DMRT1: variants seen among roughly 807,000 people sequenced by gnomAD.
The protein encoded by DMRT1 is doublesex and mab-3 related transcription factor 1, also known as doublesex- and mab-3-related transcription factor 1.
Under a neutral mutation model 32.3 loss-of-function variants are expected in DMRT1, and 7 were observed. The observed-to-expected ratio is 0.22, with a 90% confidence interval of 0.12 to 0.41. DMRT1 has a LOEUF of 0.41. Among genes scored for constraint, DMRT1 ranks in the 10% least tolerant of loss-of-function variants. DMRT1 has a pLI of 1.00. For missense variants in DMRT1, 625 were observed against 500.5 expected (o/e 1.25, Z -2.37); for synonymous variants, 278 against 206.1 (o/e 1.35, Z -2.99).
intron 2 of DMRT1, among the ~76,000 whole-genome samples, chr9:891,975 CTTGCTGGATCTCA>C (rs1817169371): frequency 6.6e-6 from 1 of 152,196 alleles, no homozygotes; most frequent in East Asian, 1.9e-4. Context: ...TGGGTGCCTT[CTTGCTGGATCTCA>C]CGTCCTGGTA....
intron 4 of DMRT1, among the ~76,000 whole-genome samples, chr9:929,861 G>A (rs1818652103): frequency 6.6e-6 from 1 of 152,080 alleles, no homozygotes; most frequent in East Asian, 1.9e-4. Context: ...TAGTGTCTGG[G>A]CCTAGCATAA....
At chr9:949,686 C>G (rs1437038634) in intron 4 of DMRT1, among the ~76,000 whole-genome samples, 1 of 152,192 alleles carries the variant, frequency 6.6e-6, no homozygotes, top group Non-Finnish European at 1.5e-5. Context: ...TCTTGTGTAA[C>G]TGAAACTTTG....
At chr9:901,749 T>C (rs1348998305) in intron 3 of DMRT1, among the ~76,000 whole-genome samples, 1 of 151,910 alleles carries the variant, frequency 6.6e-6, no homozygotes, top group Non-Finnish European at 1.5e-5. Context: ...TGGGAAGTTC[T>C]GGATGGAGAA....
chr9:929,598 T>C (rs1818641940), intron 4 of DMRT1, among the ~76,000 whole-genome samples: 1 of 152,044 alleles, frequency 6.6e-6, no homozygotes, highest in Non-Finnish European at 1.5e-5. Flanking sequence ...ATTCTTTCTT[T>C]CTTTCTATTA....
At chr9:854,956 AC>A (rs1815331497) in intron 2 of DMRT1, among the ~76,000 whole-genome samples, 2 of 150,110 alleles carry the variant, frequency 1.3e-5, no homozygotes, top group Non-Finnish European at 2.9e-5. Flanking sequence ...TTTAGTAGAG[AC>A]GGGGTTTCAC....
chr9:947,647 A>C (rs1451632224), intron 4 of DMRT1, among the ~76,000 whole-genome samples: 1 of 152,116 alleles, frequency 6.6e-6, no homozygotes, highest in Non-Finnish European at 1.5e-5. Flanking sequence ...TTTTTGAGAC[A>C]GAGTCTGACT....
chr9:917,908 A>C (rs1818234552), intron 4 of DMRT1, among the ~76,000 whole-genome samples: 1 of 152,232 alleles, frequency 6.6e-6, no homozygotes, highest in South Asian at 2.1e-4. Flanking sequence ...GCCGAAGTAC[A>C]CATTGTTGAT....
intron 4 of DMRT1, among the ~76,000 whole-genome samples, chr9:945,724 T>A (rs1288877649): frequency 4.8e-5 from 7 of 147,264 alleles, no homozygotes; most frequent in South Asian, 2.1e-4. Context: ...GTTGCTTTTT[T>A]AAAAAAAAAT....
In DMRT1 at chr9:968,377, T is replaced by C. The variant is rs1384853515; in HGVS notation, c.*238T>C. 2 of 500,950 alleles carry C rather than the reference T, an allele frequency of 4.0e-6. No individual in the cohort carries two copies. The highest frequency in any genetic ancestry group is 7.1e-6 in the Non-Finnish European group (2 of 279,862). The allele number at this position is 500,950 out of a possible 1,614,324, so 31.0% of individuals were successfully genotyped here. ...CGGAGTTTAAATAATAGTGTTCATTTTTTTAATGACACTGGTTTCATGTAG... is the reference window on the plus strand; with the variant it reads ...CGGAGTTTAAATAATAGTGTTCATTCTTTTAATGACACTGGTTTCATGTAG... On this transcript the variant is annotated 3_prime_UTR_variant, in exon 5 of 5. Coordinates refer to ENST00000382276, the MANE Select transcript of DMRT1 (RefSeq NM_021951.3).
chr9:966,392 T>A (rs1042357842), intron 4 of DMRT1, among the ~76,000 whole-genome samples: 1 of 152,252 alleles, frequency 6.6e-6, no homozygotes, highest in Non-Finnish European at 1.5e-5. Flanking sequence ...TACAAACTTA[T>A]CCTTTGCTTT....
At chr9:939,867 A>G (rs1280821844) in intron 4 of DMRT1, among the ~76,000 whole-genome samples, 1 of 152,228 alleles carries the variant, frequency 6.6e-6, no homozygotes, top group Non-Finnish European at 1.5e-5. Flanking sequence ...TTATACTGGC[A>G]GAAAGATTTG....
intron 2 of DMRT1, among the ~76,000 whole-genome samples, chr9:884,530 C>G (rs1328911428): frequency 1.3e-5 from 2 of 152,182 alleles, no homozygotes; most frequent in Non-Finnish European, 2.9e-5. Flanking sequence ...ACAGTGAGCT[C>G]TGTTATGGTC....
chr9:848,482 CTT>C (rs945145996), intron 2 of DMRT1, among the ~76,000 whole-genome samples: 37 of 150,466 alleles, frequency 2.5e-4, no homozygotes, highest in African/African-American at 8.8e-4. Flanking sequence ...TCAAGATACT[CTT>C]TTTTCTTTGC....
At chr9:866,311 G>C (rs766406522) in intron 2 of DMRT1, among the ~76,000 whole-genome samples, 1 of 151,904 alleles carries the variant, frequency 6.6e-6, no homozygotes, top group Non-Finnish European at 1.5e-5. Flanking sequence ...TTGCATATCA[G>C]ATGAAGAAGC....
chr9:884,662 A>G (rs1255088109), intron 2 of DMRT1, among the ~76,000 whole-genome samples: 1 of 152,164 alleles, frequency 6.6e-6, no homozygotes, highest in Non-Finnish European at 1.5e-5. Context: ...TTAGGAGTAT[A>G]TACCAATGGT....
intron 2 of DMRT1, among the ~76,000 whole-genome samples, chr9:866,445 C>T (rs1253970584): frequency 6.6e-6 from 1 of 152,046 alleles, no homozygotes; most frequent in Non-Finnish European, 1.5e-5. Flanking sequence ...CACTGTGATC[C>T]ATTGCAAAAG....
At chr9:908,386 A>T (rs1817853918) in intron 3 of DMRT1, among the ~76,000 whole-genome samples, 1 of 152,174 alleles carries the variant, frequency 6.6e-6, no homozygotes, top group Admixed American at 6.5e-5. Flanking sequence ...TGAGCCCACG[A>T]GATTGAGGCT....
intron 3 of DMRT1, among the ~76,000 whole-genome samples, chr9:908,246 A>G (rs1259555959): frequency 6.6e-6 from 1 of 152,108 alleles, no homozygotes; most frequent in Admixed American, 6.6e-5. Flanking sequence ...ACTTGAGGCC[A>G]GGAATTCAAG....
At chr9:960,673 G>T (rs1370986934) in intron 4 of DMRT1, among the ~76,000 whole-genome samples, 1 of 152,220 alleles carries the variant, frequency 6.6e-6, no homozygotes, top group African/African-American at 2.4e-5. Flanking sequence ...TGGCTGAGGG[G>T]TACGAGCTGG....
Sources: allele counts gnomAD v4.1 joint callset (sites outside exome capture counted in the v4.1 genomes callset), GRCh38; gene constraint gnomAD v4.1.1; transcripts MANE v1.5; gene names NCBI Gene and HGNC (gene_info 2026-07-23, HGNC 2026-07-21).